The following LMX1A variants were observed in gnomAD, a reference collection of about 807,000 sequenced individuals.
LMX1A encodes the protein LIM homeobox transcription factor 1 alpha, also known as LIM homeobox transcription factor 1-alpha.
Under a neutral mutation model 49.1 loss-of-function variants are expected in LMX1A, and 15 were observed. The ratio of observed to expected loss-of-function variants is 0.31; its 90% CI spans 0.20 to 0.47. LMX1A has a LOEUF of 0.47. LMX1A is among the 20% of genes least tolerant of loss of function. LMX1A has a pLI of 1.00. For synonymous variants in LMX1A, 167 were observed against 185.7 expected, an observed-to-expected ratio of 0.90 and a Z score of 0.82; for missense variants, 372 against 475.8, an observed-to-expected ratio of 0.78 and a Z score of 2.03.
At chr1:165,263,624 G>A (rs1653517101) in intron 3 of LMX1A, among the ~76,000 whole-genome samples, 1 of 152,284 alleles carries the variant, frequency 6.6e-6, no homozygotes, top group South Asian at 2.1e-4. Context: ...GCTTCCTCTT[G>A]TCACCTGCTA....
intron 4 of LMX1A, among the ~76,000 whole-genome samples, chr1:165,247,054 C>CTTTTTTTTTATTTTTTTTTT (rs1652876638): frequency 1.9e-5 from 1 of 53,228 alleles, no homozygotes; most frequent in Non-Finnish European, 3.3e-5. Flanking sequence ...TCAGCTTTTT[C>CTTTTTTTTTATTTTTTTTTT]TTTTTTTTTT....
chr1:165,219,252 C>T (rs1432677522), intron 4 of LMX1A: 1 of 152,130 alleles, frequency 6.6e-6, no homozygotes, highest in African/African-American at 2.4e-5. Context: ...TTGGAAAAAT[C>T]CCAACGGCCC....
chr1:165,270,771 G>A (rs1276899841), intron 3 of LMX1A, among the ~76,000 whole-genome samples: 1 of 152,138 alleles, frequency 6.6e-6, no homozygotes. Context: ...GAACACTGTG[G>A]GAAGAATATT....
intron 4 of LMX1A, among the ~76,000 whole-genome samples, chr1:165,246,460 C>G (rs1652851926): frequency 1.3e-5 from 2 of 152,110 alleles, no homozygotes; most frequent in African/African-American, 4.8e-5. Flanking sequence ...AACTACCCTC[C>G]CCTCCCACCT....
At chr1:165,231,990 G>T (rs1053917235) in intron 4 of LMX1A, among the ~76,000 whole-genome samples, 2 of 152,216 alleles carry the variant, frequency 1.3e-5, no homozygotes, top group Non-Finnish European at 2.9e-5. Flanking sequence ...ACTCTTGAGA[G>T]CATTCTATCA....
At position 165,238,661 on chromosome 1, in the gene LMX1A, T is replaced by C. The variant is rs544462337; in HGVS notation, c.496+10747A>G. Among the ~76,000 whole-genome samples, 38 of 152,294 alleles carry C rather than the reference T, an allele frequency of 2.5e-4. 1 individual carries two copies. The South Asian group carries it at 4.1e-3, about 17-fold the overall frequency. On this transcript the variant is annotated intron_variant, in intron 4 of 8. Transcript: ENST00000342310. ...ATCGCTTTAATTATATATGAAAAGG[T>C]CCTTCAGTTGGGGTCTCTCAGGTAG... is the stretch of plus-strand genomic sequence containing the variant.
intron 3 of LMX1A, among the ~76,000 whole-genome samples, chr1:165,318,914 C>T (rs1230399325): frequency 6.6e-6 from 1 of 151,854 alleles, no homozygotes; most frequent in Non-Finnish European, 1.5e-5. Context: ...AACAAACTTA[C>T]CTCCTGGTTA....
intron 3 of LMX1A, among the ~76,000 whole-genome samples, chr1:165,264,883 G>A (rs79412925): frequency 0.014 from 2,183 of 151,950 alleles, 54 homozygotes; most frequent in African/African-American, 0.049. Context: ...CTCCAGCTTG[G>A]GAGACAGAAC....
intron 3 of LMX1A, among the ~76,000 whole-genome samples, chr1:165,297,281 G>C (rs1654644856): frequency 6.6e-6 from 1 of 152,168 alleles, no homozygotes; most frequent in African/African-American, 2.4e-5. Flanking sequence ...GAATAACCAG[G>C]TGAGTTTTTA....
intron 4 of LMX1A, among the ~76,000 whole-genome samples, chr1:165,234,816 G>A (rs1652369779): frequency 6.6e-6 from 1 of 152,144 alleles, no homozygotes; most frequent in South Asian, 2.1e-4. Context: ...GATGTTTCTG[G>A]AATTTTTCAG....
At chr1:165,299,413 T>A (rs369158568) in intron 3 of LMX1A, among the ~76,000 whole-genome samples, 7 of 152,306 alleles carry the variant, frequency 4.6e-5, no homozygotes, top group African/African-American at 1.7e-4. Flanking sequence ...ACACTGGCCA[T>A]GGGGCCATGC....
At chr1:165,292,116 T>G (rs573559462) in intron 3 of LMX1A, among the ~76,000 whole-genome samples, 2 of 145,344 alleles carry the variant, frequency 1.4e-5, no homozygotes, top group Non-Finnish European at 3.0e-5. Context: ...CACCATGGAC[T>G]AAGGCAGGCA....
intron 4 of LMX1A, among the ~76,000 whole-genome samples, chr1:165,219,956 C>G (rs1413449489): frequency 6.6e-6 from 1 of 152,122 alleles, no homozygotes; most frequent in Non-Finnish European, 1.5e-5. Context: ...CAGGTGTCAC[C>G]TGAGCTGAAA....
chr1:165,261,027 A>T (rs570954004), intron 3 of LMX1A, among the ~76,000 whole-genome samples: 25 of 152,322 alleles, frequency 1.6e-4, no homozygotes, highest in Middle Eastern at 3.4e-3. Context: ...CAAAACTGGC[A>T]TAACAGCAGA....
intron 3 of LMX1A, among the ~76,000 whole-genome samples, chr1:165,326,832 G>A (rs1286139086): frequency 6.6e-6 from 1 of 152,154 alleles, no homozygotes; most frequent in Non-Finnish European, 1.5e-5. Flanking sequence ...GATTCTAGAT[G>A]TCTAGAGATA....
At chr1:165,266,490 G>A (rs890424490) in intron 3 of LMX1A, among the ~76,000 whole-genome samples, 1 of 151,454 alleles carries the variant, frequency 6.6e-6, no homozygotes, top group African/African-American at 2.4e-5. Flanking sequence ...GAGAGGCCTT[G>A]TAAATCACAG....
At chr1:165,331,126 A>T (rs1429047702) in intron 3 of LMX1A, among the ~76,000 whole-genome samples, 2 of 152,192 alleles carry the variant, frequency 1.3e-5, no homozygotes, top group East Asian at 3.8e-4. Context: ...CATGACCCAT[A>T]CTCAAGAGGA....
At chr1:165,353,305 G>A in intron 2 of LMX1A, 43 bp from the exon 3 acceptor site, 2 of 1,565,660 alleles carry the variant, frequency 1.3e-6, no homozygotes, top group South Asian at 1.1e-5. Flanking sequence ...GCCCGGGCAG[G>A]TAGACCATGC....
chr1:165,251,176 G>C (rs1175627786), intron 3 of LMX1A, among the ~76,000 whole-genome samples: 1 of 151,338 alleles, frequency 6.6e-6, no homozygotes, highest in African/African-American at 2.4e-5. Context: ...TCTGCCTCTT[G>C]GGTTCAAGCG....
Sources: allele counts gnomAD v4.1 joint callset (sites outside exome capture counted in the v4.1 genomes callset), GRCh38; gene constraint gnomAD v4.1.1; transcripts MANE v1.5; gene names NCBI Gene and HGNC (gene_info 2026-07-23, HGNC 2026-07-21).